The following CLIC5 variants were observed in gnomAD, a reference collection of about 807,000 sequenced individuals.
CLIC5 encodes chloride intracellular channel protein 5.
A neutral mutation model predicts 24.7 loss-of-function variants in CLIC5; 20 were observed. The ratio of observed to expected loss-of-function variants is 0.81; its 90% CI spans 0.57 to 1.18. CLIC5 has a LOEUF of 1.18. CLIC5 is among the 50% of genes most tolerant of loss of function. CLIC5 has a pLI of 0.00. For missense variants in CLIC5, 341 were observed against 326.1 expected (o/e 1.05, Z -0.35); for synonymous variants, 159 against 135.6 (o/e 1.17, Z -1.20).
intron 4 of CLIC5, among the ~76,000 whole-genome samples, chr6:45,921,375 TC>T (rs1181888509): frequency 6.6e-6 from 1 of 152,064 alleles, no homozygotes; most frequent in South Asian, 2.1e-4. Context: ...AGAATCTGGG[TC>T]GAGTATGTCG....
intron 1 of CLIC5, among the ~76,000 whole-genome samples, chr6:45,972,269 C>T (rs1462050638): frequency 6.6e-6 from 1 of 152,156 alleles, no homozygotes; most frequent in Non-Finnish European, 1.5e-5. Context: ...CTGTCTCCAT[C>T]CCTGTAATTG....
intron 1 of CLIC5, among the ~76,000 whole-genome samples, chr6:46,062,716 T>C (rs1431080604): frequency 6.6e-6 from 1 of 152,236 alleles, no homozygotes; most frequent in Non-Finnish European, 1.5e-5. Flanking sequence ...GCAGAGCTGC[T>C]GATCAGCGCA....
chr6:46,003,076 G>A (rs1486887511), intron 1 of CLIC5, among the ~76,000 whole-genome samples: 1 of 152,178 alleles, frequency 6.6e-6, no homozygotes, highest in Non-Finnish European at 1.5e-5. Context: ...ATCCAGATGG[G>A]ACTCAGTCTG....
At chr6:46,021,414 A>C (rs1562009440) in intron 1 of CLIC5, among the ~76,000 whole-genome samples, 1 of 152,190 alleles carries the variant, frequency 6.6e-6, no homozygotes, top group Non-Finnish European at 1.5e-5. Flanking sequence ...TGGCCCACTT[A>C]CCATCTTCTG....
chr6:45,966,692 C>T (rs774482005), intron 1 of CLIC5, among the ~76,000 whole-genome samples: 1 of 152,104 alleles, frequency 6.6e-6, no homozygotes, highest in Non-Finnish European at 1.5e-5. Context: ...GAAACTCCTT[C>T]ACATCCTGGC....
rs1280835575 is a variant in CLIC5, at chr6:45,901,393, G to A, written c.*1695C>T. On this transcript the variant is annotated 3_prime_UTR_variant, in exon 6 of 6. Coordinates refer to ENST00000339561, the MANE Select transcript of CLIC5 (RefSeq NM_016929.5). ...TTCCTCTCCTCTGATTTGATCAATG[G>A]GTTACTTTTTTTCTTCAGAGATCCC... The A allele has an allele frequency of 6.6e-6, 1 of 152,116 alleles. No individual in the cohort carries two copies. 9.4% of individuals were successfully genotyped at this position (152,116 alleles called of 1,614,324 possible).
the CLIC5 span, chr6:46,102,789 T>C: frequency 2.0e-5 from 3 of 152,352 alleles, no homozygotes; most frequent in East Asian, 5.8e-4. Context: ...TGTTTTAAAA[T>C]GTATTTATAT....
At chr6:45,994,174 T>G (rs1766042915) in intron 1 of CLIC5, among the ~76,000 whole-genome samples, 1 of 152,136 alleles carries the variant, frequency 6.6e-6, no homozygotes, top group Admixed American at 6.5e-5. Context: ...AGGGTAAGGA[T>G]AACAGTTAAC....
intron 1 of CLIC5, among the ~76,000 whole-genome samples, chr6:46,043,137 G>A (rs952569417): frequency 1.2e-4 from 19 of 152,160 alleles, no homozygotes; most frequent in Admixed American, 5.9e-4. Flanking sequence ...AGAGTTGGTT[G>A]CAGTTACTAG....
intron 1 of CLIC5, among the ~76,000 whole-genome samples, chr6:46,067,763 T>C (rs890373107): frequency 2.0e-5 from 3 of 152,104 alleles, no homozygotes; most frequent in Non-Finnish European, 4.4e-5. Context: ...GAGATGAAGA[T>C]ACAAACAGTC....
At chr6:46,080,506 G>A (rs191766300), upstream of CLIC5, among the ~76,000 whole-genome samples, 578 of 152,260 alleles carry the variant, frequency 3.8e-3, 2 homozygotes, top group Admixed American at 6.2e-3. Context: ...AGACCCTGGG[G>A]ATTTCCTCAT....
At chr6:46,110,072 T>C in the CLIC5 span, among the ~76,000 whole-genome samples, 2 of 152,142 alleles carry the variant, frequency 1.3e-5, no homozygotes, top group African/African-American at 2.4e-5. Flanking sequence ...CCTTGCTCCT[T>C]GCTCTCCCAG....
intron 1 of CLIC5, among the ~76,000 whole-genome samples, chr6:46,072,302 A>T (rs10948277): frequency 0.73 from 110,874 of 151,010 alleles, 41,040 homozygotes; most frequent in East Asian, 0.86. Context: ...GGGGGATCCT[A>T]GGGAGATGGA....
At chr6:46,034,868 A>G (rs1013910519) in intron 1 of CLIC5, among the ~76,000 whole-genome samples, 3 of 152,202 alleles carry the variant, frequency 2.0e-5, no homozygotes, top group African/African-American at 7.2e-5. Context: ...GGCATTATAG[A>G]GAAGGGTGAC....
the CLIC5 span, among the ~76,000 whole-genome samples, chr6:46,128,612 T>C: frequency 1.3e-5 from 2 of 152,322 alleles, no homozygotes; most frequent in East Asian, 3.9e-4. Flanking sequence ...AGTAAGAGGT[T>C]GGTATTGTAA....
At chr6:46,083,539 A>G (rs1394444266), upstream of CLIC5, among the ~76,000 whole-genome samples, 3 of 152,064 alleles carry the variant, frequency 2.0e-5, no homozygotes, top group African/African-American at 4.8e-5. Context: ...TGTACCCAGT[A>G]GTCATTCAGG....
the CLIC5 span, among the ~76,000 whole-genome samples, chr6:46,118,702 A>G: frequency 6.6e-6 from 1 of 152,216 alleles, no homozygotes; most frequent in Non-Finnish European, 1.5e-5. Flanking sequence ...AATATTTTCC[A>G]GGAAAATTAA....
chr6:45,980,936 C>CT (rs1765549052), intron 1 of CLIC5, among the ~76,000 whole-genome samples: 1 of 152,040 alleles, frequency 6.6e-6, no homozygotes, highest in Non-Finnish European at 1.5e-5. Flanking sequence ...TGCATTGACC[C>CT]TTATTACAGG....
At chr6:46,031,549 G>A (rs549226954) in intron 1 of CLIC5, among the ~76,000 whole-genome samples, 2 of 152,210 alleles carry the variant, frequency 1.3e-5, no homozygotes, top group East Asian at 3.9e-4. Context: ...ATGTGGGTAG[G>A]AAGTGTATAT....
Sources: allele counts gnomAD v4.1 joint callset (sites outside exome capture counted in the v4.1 genomes callset), GRCh38; gene constraint gnomAD v4.1.1; transcripts MANE v1.5; gene names NCBI Gene and HGNC (gene_info 2026-07-23, HGNC 2026-07-21).